The following PCID2 variants were observed in gnomAD, a reference collection of about 807,000 sequenced individuals.
PCID2 encodes PCI domain-containing protein 2.
In PCID2, 41 loss-of-function variants were observed where a neutral mutation model predicts 61.3. The observed-to-expected ratio is 0.67, with a 90% CI of 0.52 to 0.87. PCID2 has a LOEUF of 0.87. Among genes scored for constraint, PCID2 ranks in the 40% least tolerant of loss-of-function variants. The pLI is 0.00. For missense variants in PCID2, 392 were observed against 493.4 expected (o/e 0.79, Z 1.95); for synonymous variants, 187 against 177.8 (o/e 1.05, Z -0.41).
chr13:113,190,089 C>G (rs973694571), intron 7 of PCID2, among the ~76,000 whole-genome samples: 10 of 151,676 alleles, frequency 6.6e-5, no homozygotes, highest in African/African-American at 2.4e-4. Context: ...ATATCATGCA[C>G]TTAACACACA....
chr13:113,198,400 C>T (rs943316159), intron 2 of PCID2, 136 bp from the exon 3 acceptor site: 6 of 586,386 alleles, frequency 1.0e-5, no homozygotes, highest in African/African-American at 5.7e-5. Context: ...ATATTTACCA[C>T]TCTAAATAAA....
rs896975311 is a variant in PCID2 at position 113,179,770 on chromosome 13, G to A, written c.986+147C>T. On this transcript the variant is annotated intron_variant, in intron 12 of 13. Coordinates refer to ENST00000337344, the MANE Select transcript of PCID2 (RefSeq NM_001127202.4). The surrounding 1 kb of genome is among the most constrained non-coding windows in gnomAD (Gnocchi z 4.3). ...CAGGGTCCCCAGGAGGCAGTGGGCG[G>A]AGGCTTCATTTTATCCCACACAATG... is the stretch of plus-strand genomic sequence containing the variant. The A allele has an allele frequency of 5.1e-6, 4 of 778,898 alleles. No homozygotes were observed. Among genetic ancestry groups the A allele is most frequent in the African/African-American group, 1.8e-5 (1 of 57,076 alleles). 48.2% of individuals were successfully genotyped at this position (778,898 alleles called of 1,614,324 possible).
rs2039081033 is a variant in PCID2 at position 113,197,192 on chromosome 13, C to T, written c.252G>A (p.Gln84=). Residue 84 remains glutamine, a synonymous_variant, in exon 4 of 14, where the codon CAG becomes CAA. Transcript: ENST00000337344. ...NHDFIEAYKC[Q]TVIVQSFLRA... The stretch of plus-strand genomic sequence containing the variant: ...ACAAAGGATATTGGACTATCACGGT[C>T]TGGCACTTGTATGCCTCTATGAAGT... 2.5e-6 allele frequency: 4 copies of T among 1,614,074 alleles called. No homozygotes were observed. In the Admixed American group the frequency reaches 5.0e-5, roughly 20 times the overall value.
At chr13:113,207,868 G>T (rs2040016298) in intron 1 of PCID2, among the ~76,000 whole-genome samples, 2 of 152,054 alleles carry the variant, frequency 1.3e-5, no homozygotes, top group African/African-American at 4.8e-5. Context: ...ACCACGTCTT[G>T]GTAATGTTTC....
chr13:113,175,328 T>C (rs2037169756), downstream of PCID2, among the ~76,000 whole-genome samples: 1 of 152,252 alleles, frequency 6.6e-6, no homozygotes, highest in Non-Finnish European at 1.5e-5. Flanking sequence ...TCCTTGACTT[T>C]AGGTGTCACT....
chr13:113,185,209 G>A (rs998589729), intron 8 of PCID2, among the ~76,000 whole-genome samples: 3 of 152,192 alleles, frequency 2.0e-5, no homozygotes, highest in African/African-American at 7.2e-5. Flanking sequence ...ACCACACTGG[G>A]ACAGCTGCTT....
chr13:113,172,982 G>A (rs1043604429), downstream of PCID2, among the ~76,000 whole-genome samples: 5 of 152,212 alleles, frequency 3.3e-5, no homozygotes, highest in African/African-American at 1.2e-4. Flanking sequence ...ATGATATGGG[G>A]AGGTGGGGCC....
intron 2 of PCID2, 55 bp from the exon 3 acceptor site, chr13:113,198,319 G>T: frequency 9.8e-7 from 1 of 1,024,798 alleles, no homozygotes; most frequent in Non-Finnish European, 1.5e-6. Context: ...CAGAAAGAAT[G>T]CAACATATAG....
At chr13:113,202,512 T>C (rs575860564) in intron 1 of PCID2, among the ~76,000 whole-genome samples, 42 of 152,358 alleles carry the variant, frequency 2.8e-4, no homozygotes, top group South Asian at 4.1e-4. Context: ...CTGTGAAACA[T>C]CTATTTTAAG....
chr13:113,193,336 G>A (rs1296221940), intron 6 of PCID2, among the ~76,000 whole-genome samples: 1 of 151,324 alleles, frequency 6.6e-6, no homozygotes, highest in Non-Finnish European at 1.5e-5. Context: ...TTATCTCAAT[G>A]GTCTGGAAAG....
At chr13:113,178,529 A>G (rs2037314572) in intron 13 of PCID2, 1 of 453,666 alleles carries the variant, frequency 2.2e-6, no homozygotes, top group African/African-American at 2.0e-5. Context: ...TGCATCTGTA[A>G]TGAACACGTA....
the PCID2 span, chr13:113,172,043 C>T: frequency 1.9e-6 from 3 of 1,613,118 alleles, no homozygotes; most frequent in African/African-American, 2.7e-5. Flanking sequence ...AGGGCAGGCT[C>T]ACATGGTCCT....
At chr13:113,184,897 C>A (rs1236897439) in intron 8 of PCID2, among the ~76,000 whole-genome samples, 1 of 151,068 alleles carries the variant, frequency 6.6e-6, no homozygotes, top group African/African-American at 2.5e-5. Context: ...CGCAGCCCTG[C>A]AGGAGCCCGT....
chr13:113,171,563 G>A, the PCID2 span: 2 of 1,613,708 alleles, frequency 1.2e-6, no homozygotes, highest in Middle Eastern at 3.3e-4. This position sits in a 1 kb window ranked among gnomAD's most constrained non-coding sequence, Gnocchi z 5.1. Context: ...AAATCAGACT[G>A]TAAAGAACTG....
At chr13:113,166,733 G>A in the PCID2 span, among the ~76,000 whole-genome samples, 12 of 152,242 alleles carry the variant, frequency 7.9e-5, no homozygotes, top group Admixed American at 7.2e-4. Context: ...TCTTCCTATC[G>A]CTGTCTGCCC....
chr13:113,178,851 CAA>C, intron 13 of PCID2, 113 bp downstream of exon 13: 1 of 977,824 alleles, frequency 1.0e-6, no homozygotes, highest in Non-Finnish European at 1.5e-6. Flanking sequence ...TTAGTTCTAT[CAA>C]AAAAAAAGCA....
the PCID2 span, among the ~76,000 whole-genome samples, chr13:113,167,092 GAAT>G: frequency 6.6e-6 from 1 of 152,320 alleles, no homozygotes; most frequent in Admixed American, 6.5e-5. Flanking sequence ...TTGAAAAGGA[GAAT>G]AATTAAGTGA....
intron 2 of PCID2, among the ~76,000 whole-genome samples, chr13:113,198,727 G>A (rs923226736): frequency 1.8e-4 from 27 of 150,194 alleles, no homozygotes; most frequent in African/African-American, 6.3e-4. Context: ...ATAAATAAAT[G>A]GTTCATTACT....
At chr13:113,203,287 C>G (rs1036647710) in intron 1 of PCID2, among the ~76,000 whole-genome samples, 1 of 152,210 alleles carries the variant, frequency 6.6e-6, no homozygotes, top group African/African-American at 2.4e-5. Context: ...CCTCCTGCCC[C>G]AGTCCATGCA....
Sources: gnomAD v4.1 joint callset for allele counts (sites outside exome capture counted in the v4.1 genomes callset) on GRCh38, gnomAD v4.1.1 for gene constraint, Gnocchi (gnomAD v3.1) non-coding constraint, MANE v1.5 for transcripts, NCBI Gene and HGNC (gene_info 2026-07-23, HGNC 2026-07-21) for gene names.